INTS7: variants seen among roughly 807,000 people sequenced by gnomAD.
INTS7 encodes chromosome 1 open reading frame 73.
A neutral mutation model predicts 109.2 loss-of-function variants in INTS7; 46 were observed. The ratio of observed to expected loss-of-function variants is 0.42; its 90% confidence interval spans 0.33 to 0.54. The LOEUF is 0.54. INTS7 is among the 20% of genes least tolerant of loss of function. The probability of loss-of-function intolerance (pLI) is 0.07; values close to 1 mark genes in which losing one functional copy is unlikely to be tolerated. For missense variants in INTS7, 929 were observed against 1,132.4 expected (o/e 0.82, Z 2.58); for synonymous variants, 412 against 402.9 (o/e 1.02, Z -0.27).
At position 211,945,461 on chromosome 1, in the gene INTS7, CATT is replaced by C. The variant is rs544843645; in HGVS notation, c.2416-495_2416-493del. ...GAATCAAATGACATTTTTCACCTCT[CATT>C]AGTTTTTCTTCAAAAATGTATTAAA... On this transcript the variant is annotated intron_variant, in intron 18 of 19. Transcript: ENST00000366994. Among the ~76,000 whole-genome samples, 19 of 152,330 alleles carry C rather than the reference CATT, an allele frequency of 1.2e-4. No individual in the cohort carries two copies. The South Asian group carries it at 3.9e-3, about 32-fold the overall frequency.
intron 5 of INTS7, among the ~76,000 whole-genome samples, chr1:212,009,246 ATTT>A (rs1666063087): frequency 1.3e-5 from 2 of 152,084 alleles, no homozygotes; most frequent in South Asian, 2.1e-4. Flanking sequence ...GTTCTTTCAG[ATTT>A]TTTTAAGATA....
At chr1:212,000,407 A>T (rs2102458232) in intron 7 of INTS7, among the ~76,000 whole-genome samples, 1 of 152,360 alleles carries the variant, frequency 6.6e-6, no homozygotes, top group East Asian at 1.9e-4. Flanking sequence ...ATCTTCAGAA[A>T]CAGAAAATTC....
chr1:211,977,347 G>A (rs1303226586), intron 11 of INTS7, among the ~76,000 whole-genome samples: 1 of 152,108 alleles, frequency 6.6e-6, no homozygotes. Context: ...CATAATTTAA[G>A]ACAATCTTAA....
chr1:211,976,994 T>C (rs1664449469), intron 11 of INTS7, among the ~76,000 whole-genome samples: 1 of 152,124 alleles, frequency 6.6e-6, no homozygotes, highest in South Asian at 2.1e-4. Context: ...ATAAAATGGA[T>C]AAACTAGCGA....
chr1:212,004,448 C>G (rs1266014753), intron 7 of INTS7, among the ~76,000 whole-genome samples: 1 of 152,036 alleles, frequency 6.6e-6, no homozygotes, highest in Non-Finnish European at 1.5e-5. Flanking sequence ...CCTATCATGT[C>G]AACATATGTA....
rs374450154 is a variant in INTS7, at chr1:211,946,615, T to C, written c.2407A>G (p.Ser803Gly). The C allele has an allele frequency of 1.4e-5, 23 of 1,594,306 alleles. No homozygotes were observed. The African/African-American group carries it at 3.0e-4, about 20-fold the overall frequency. The stretch of plus-strand genomic sequence containing the variant: ...TATTCTTCCTGTATTACCTTGATGC[T>C]GGTAGACTGTAGTTTCTGGAAAAAA... The part of the protein sequence containing the change: ...RYFFQKLQST[S>G]IKLALSPSPR... Residue 803 changes from serine to glycine, a missense_variant, in exon 18 of 20, where the codon AGC (serine) becomes GGC (glycine). Physicochemically the swap from Ser to Gly is moderately conservative, Grantham distance 56. This residue lies in a region of INTS7 where 787 missense variants were observed against 901.1 expected (regional missense o/e 0.87). Transcript: ENST00000366994. The surrounding 1 kb of genome is among the most constrained non-coding windows in gnomAD (Gnocchi z 4.3).
Position 211,982,786 on chromosome 1 carries a change from G to T in INTS7, c.1022C>A (p.Ser341Tyr), listed in dbSNP as rs2102429613. Residue 341 changes from serine to tyrosine, a missense_variant, in exon 9 of 20, where the codon TCT (serine) becomes TAT (tyrosine). Transcript: ENST00000366994. ...TTGGGCTAATTTGACTAAATCAGAA[G>T]ATCTGGGAGAAGAACTCACATTTCC... ...VPGNVSSSPR[S>Y]SDLVKLAQEC... is the part of the protein sequence containing the mutation. 1 of 1,606,986 alleles carries T rather than the reference G, an allele frequency of 6.2e-7. No individual in the cohort carries two copies. Among genetic ancestry groups the T allele is most frequent in the Non-Finnish European group, 8.5e-7 (1 of 1,176,854 alleles).
chr1:211,960,316 A>G (rs907579771), intron 16 of INTS7, among the ~76,000 whole-genome samples: 3 of 152,156 alleles, frequency 2.0e-5, no homozygotes, highest in African/African-American at 4.8e-5. Context: ...AAGGACAGCA[A>G]CTTCAAAGAT....
At chr1:212,010,539 C>T (rs1348780329) in intron 5 of INTS7, among the ~76,000 whole-genome samples, 1 of 152,172 alleles carries the variant, frequency 6.6e-6, no homozygotes, top group Non-Finnish European at 1.5e-5. Context: ...CTTCCCTACA[C>T]TAATCATGCC....
chr1:211,997,871 T>G (rs1040212299), intron 7 of INTS7, among the ~76,000 whole-genome samples: 36 of 128,502 alleles, frequency 2.8e-4, no homozygotes, highest in Non-Finnish European at 6.5e-5. Flanking sequence ...AGAGCAAAAC[T>G]CCAACTCAAA....
At chr1:212,034,856 G>C (rs1249183256) in intron 1 of INTS7, among the ~76,000 whole-genome samples, 1 of 152,182 alleles carries the variant, frequency 6.6e-6, no homozygotes, top group Non-Finnish European at 1.5e-5. Flanking sequence ...AGAATGAGCA[G>C]GGCCCTTGCT....
Position 211,944,778 on chromosome 1 carries a change from A to G in INTS7, c.2601+6T>C. ...GTATCACAATTCTGCCTCTTTTCTA[A>G]ATTACCTTGTAGTCTTGTCCAGATT... On this transcript the variant is annotated splice_donor_region_variant and intron_variant, in intron 19 of 19. Coordinates refer to ENST00000366994, the MANE Select transcript of INTS7 (RefSeq NM_015434.4). 1.2e-6 allele frequency: 2 copies of G among 1,610,794 alleles called. No individual in the cohort carries two copies. Among genetic ancestry groups the G allele is most frequent in the African/African-American group, 2.7e-5 (2 of 74,954 alleles).
chr1:211,978,120 G>T, intron 11 of INTS7, 152 bp downstream of exon 11: 1 of 882,928 alleles, frequency 1.1e-6, no homozygotes, highest in Non-Finnish European at 1.8e-6. Context: ...ATTCTATTTT[G>T]ACATCAGCAC....
chr1:211,978,288 T>G lies in INTS7; in HGVS notation c.1454A>C (p.Lys485Thr). 6.2e-7 allele frequency: 1 copy of G among 1,614,136 alleles called. No individual in the cohort carries two copies. Among genetic ancestry groups the G allele is most frequent in the Middle Eastern group, 1.6e-4 (1 of 6,062 alleles). Residue 485 changes from lysine (K) to threonine (T), a missense_variant, in exon 11 of 20, where the codon AAG (lysine) becomes ACG (threonine). By Grantham distance (78) the Lys-to-Thr change is moderately conservative. Coordinates refer to ENST00000366994, the MANE Select transcript of INTS7 (RefSeq NM_015434.4). ...YKVIGRSATD[K>T]QQELLVSLAT... Reference sequence around the variant, plus strand: ...GCTTTTTACCAGAAGTTCTTGTTGCTTGTCTGTGGCTGATCGTCCAATCAC... The same window carrying G: ...GCTTTTTACCAGAAGTTCTTGTTGCGTGTCTGTGGCTGATCGTCCAATCAC...
intron 1 of INTS7, among the ~76,000 whole-genome samples, chr1:212,031,653 C>G (rs1667170215): frequency 6.6e-6 from 1 of 152,138 alleles, no homozygotes; most frequent in African/African-American, 2.4e-5. Flanking sequence ...CAACATAGCC[C>G]CTAGTCTGAG....
chr1:211,961,524 G>C (rs533014772), intron 16 of INTS7, among the ~76,000 whole-genome samples: 1 of 151,840 alleles, frequency 6.6e-6, no homozygotes, highest in African/African-American at 2.4e-5. Flanking sequence ...CTGCCTCCCG[G>C]GTTCAAGAGA....
intron 12 of INTS7, 49 bp downstream of exon 12, chr1:211,976,533 T>C (rs1231350127): frequency 6.5e-7 from 1 of 1,532,678 alleles, no homozygotes. Flanking sequence ...TGAAGATACA[T>C]GATCTGACAT....
rs1462582832 is a variant in INTS7, at chr1:212,035,401, C to G, written c.37G>C (p.Ala13Pro). 6.2e-7 allele frequency: 1 copy of G among 1,613,994 alleles called. No homozygotes were observed. Among genetic ancestry groups the G allele is most frequent in the Non-Finnish European group, 8.5e-7 (1 of 1,179,822 alleles). Residue 13 changes from alanine (A) to proline (P), a missense_variant, in exon 1 of 20, where the codon GCC (alanine) becomes CCC (proline). Physicochemically the swap from Ala to Pro is conservative, Grantham distance 27. Coordinates refer to ENST00000366994, the MANE Select transcript of INTS7 (RefSeq NM_015434.4). ...SNSTKSFLAD[A>P]GYGEQELDAN... The stretch of plus-strand genomic sequence containing the variant: ...TCCAGTTCCTGTTCGCCATAGCCGG[C>G]ATCTGCCAGGAAAGACTTAGTTGAG...
chr1:212,009,936 C>T (rs1666092096), intron 5 of INTS7, among the ~76,000 whole-genome samples: 1 of 152,202 alleles, frequency 6.6e-6, no homozygotes, highest in African/African-American at 2.4e-5. Context: ...ATTATTTATG[C>T]AAGTGAGCAA....
Sources: allele counts gnomAD v4.1 joint callset (sites outside exome capture counted in the v4.1 genomes callset), GRCh38; gene constraint gnomAD v4.1.1; regional missense constraint gnomAD v4.1.1; non-coding constraint Gnocchi (gnomAD v3.1); transcripts MANE v1.5; gene names NCBI Gene and HGNC (gene_info 2026-07-23, HGNC 2026-07-21).